The following LRRTM4 variants were observed in gnomAD, a reference collection of about 807,000 sequenced individuals.
LRRTM4 encodes leucine rich repeat transmembrane neuronal 4.
In LRRTM4, 25 loss-of-function variants were observed where a neutral mutation model predicts 47.6. The observed-to-expected ratio is 0.53, with a 90% CI of 0.38 to 0.73. The LOEUF is 0.73. LRRTM4 is among the 30% of genes least tolerant of loss of function. The pLI is 0.00. For synonymous variants in LRRTM4, 311 were observed against 269.5 expected (o/e 1.15, Z -1.51); for missense variants, 638 against 713.4 (o/e 0.89, Z 1.20).
At chr2:77,325,738 A>G (rs550973874) in intron 3 of LRRTM4, among the ~76,000 whole-genome samples, 12 of 152,274 alleles carry the variant, frequency 7.9e-5, no homozygotes, top group African/African-American at 2.6e-4. Context: ...TGTACTATGT[A>G]TCGGAAAAAA....
chr2:77,077,588 T>C (rs1680379929), intron 3 of LRRTM4, among the ~76,000 whole-genome samples: 1 of 152,130 alleles, frequency 6.6e-6, no homozygotes, highest in African/African-American at 2.4e-5. Context: ...ACTCATATTC[T>C]CCAAGTATAG....
intron 3 of LRRTM4, among the ~76,000 whole-genome samples, chr2:77,000,232 T>C (rs1677366388): frequency 6.6e-6 from 1 of 152,092 alleles, no homozygotes; most frequent in Non-Finnish European, 1.5e-5. Flanking sequence ...GGAGAATGTT[T>C]TGCCCTCATT....
chr2:77,042,004 GAACA>G (rs74263982), intron 3 of LRRTM4, among the ~76,000 whole-genome samples: 18,186 of 150,870 alleles, frequency 0.12, 1,362 homozygotes, highest in Admixed American at 0.19. Flanking sequence ...AAACAAGAAA[GAACA>G]AATAAACATA....
intron 3 of LRRTM4, among the ~76,000 whole-genome samples, chr2:77,446,542 G>A (rs370741045): frequency 2.0e-5 from 3 of 151,982 alleles, no homozygotes; most frequent in South Asian, 2.1e-4. Context: ...TACCATCAGC[G>A]ATTTGCAATA....
intron 3 of LRRTM4, among the ~76,000 whole-genome samples, chr2:76,880,653 A>T (rs1039927235): frequency 8.6e-5 from 13 of 151,924 alleles, no homozygotes; most frequent in Non-Finnish European, 1.5e-4. Flanking sequence ...AACACAAAAA[A>T]CCTCTGTGGG....
At chr2:76,888,514 A>T (rs1673150247) in intron 3 of LRRTM4, among the ~76,000 whole-genome samples, 1 of 151,706 alleles carries the variant, frequency 6.6e-6, no homozygotes, top group African/African-American at 2.4e-5. Flanking sequence ...ATGTATACAC[A>T]TCTCTCAGTA....
intron 3 of LRRTM4, among the ~76,000 whole-genome samples, chr2:76,985,410 G>A (rs914874771): frequency 6.6e-6 from 1 of 151,900 alleles, no homozygotes; most frequent in Non-Finnish European, 1.5e-5. Context: ...ATTTCTTTCC[G>A]TTCGTCTGCT....
intron 3 of LRRTM4, among the ~76,000 whole-genome samples, chr2:77,120,617 T>C (rs2103954467): frequency 6.6e-6 from 1 of 151,996 alleles, no homozygotes; most frequent in South Asian, 2.1e-4. Flanking sequence ...TGATGCATAC[T>C]TCCTAATCAG....
At chr2:77,108,904 A>G (rs1671174623) in intron 3 of LRRTM4, among the ~76,000 whole-genome samples, 1 of 152,222 alleles carries the variant, frequency 6.6e-6, no homozygotes, top group South Asian at 2.1e-4. Flanking sequence ...CTTCTCCACT[A>G]ATTTTAACAA....
At chr2:77,089,747 G>A (rs922083268) in intron 3 of LRRTM4, among the ~76,000 whole-genome samples, 3 of 151,966 alleles carry the variant, frequency 2.0e-5, no homozygotes, top group African/African-American at 7.3e-5. Context: ...ATTTTCTTCT[G>A]CAATGCCGCT....
chr2:76,911,522 A>C (rs1674054931), intron 3 of LRRTM4, among the ~76,000 whole-genome samples: 2 of 152,152 alleles, frequency 1.3e-5, no homozygotes, highest in Admixed American at 1.3e-4. Context: ...TTTTTCTGTA[A>C]AGTTCAAGAT....
chr2:77,431,236 T>C (rs549371355), intron 3 of LRRTM4, among the ~76,000 whole-genome samples: 2 of 149,160 alleles, frequency 1.3e-5, no homozygotes, highest in Non-Finnish European at 1.5e-5. Flanking sequence ...CTGACTAATA[T>C]AGAAATAAAC....
intron 3 of LRRTM4, among the ~76,000 whole-genome samples, chr2:76,798,169 A>G (rs1042974405): frequency 1.3e-5 from 2 of 152,096 alleles, no homozygotes; most frequent in African/African-American, 2.4e-5. Context: ...ACCGCACCAC[A>G]CCTATTCCAA....
chr2:77,229,767 G>T (rs1323141406), intron 3 of LRRTM4, among the ~76,000 whole-genome samples: 1 of 152,124 alleles, frequency 6.6e-6, no homozygotes, highest in Non-Finnish European at 1.5e-5. Context: ...CTCAGGTTTT[G>T]TACTAGAAGT....
At chr2:77,333,766 C>A (rs1208557719) in intron 3 of LRRTM4, among the ~76,000 whole-genome samples, 2 of 152,150 alleles carry the variant, frequency 1.3e-5, no homozygotes, top group African/African-American at 4.8e-5. Flanking sequence ...TGAGGCACCA[C>A]CTAGGAAAGC....
At chr2:77,004,650 G>C (rs985577567) in intron 3 of LRRTM4, among the ~76,000 whole-genome samples, 4 of 152,150 alleles carry the variant, frequency 2.6e-5, no homozygotes, top group Admixed American at 2.0e-4. Flanking sequence ...GGATCTGTGA[G>C]AATGGGGCCA....
At chr2:77,322,328 T>C (rs967465578) in intron 3 of LRRTM4, among the ~76,000 whole-genome samples, 18 of 152,252 alleles carry the variant, frequency 1.2e-4, no homozygotes, top group African/African-American at 4.3e-4. Flanking sequence ...TCCAAATATA[T>C]CTCTTTAAGT....
At chr2:76,836,786 A>T (rs372925566) in intron 3 of LRRTM4, among the ~76,000 whole-genome samples, 9 of 152,088 alleles carry the variant, frequency 5.9e-5, no homozygotes, top group Non-Finnish European at 1.2e-4. Context: ...AGAACAGAAT[A>T]TATTTCTTAA....
In LRRTM4 at chr2:77,521,723, G is replaced by T; in HGVS notation, c.-52C>A. ...CCTCTCTCAGCTTTCTTCTTATTTGGTCTCTTGTGCGGAAACCACCACCAC... is the reference window on the plus strand; with the variant it reads ...CCTCTCTCAGCTTTCTTCTTATTTGTTCTCTTGTGCGGAAACCACCACCAC... On this transcript the variant is annotated 5_prime_UTR_variant, in exon 2 of 4. Coordinates refer to ENST00000409884, the MANE Select transcript of LRRTM4 (RefSeq NM_001134745.3). 2 of 1,609,210 alleles carry T rather than the reference G, an allele frequency of 1.2e-6. No homozygotes were observed. Among genetic ancestry groups the T allele is most frequent in the South Asian group, 1.1e-5 (1 of 90,920 alleles).
Sources: allele counts gnomAD v4.1 joint callset (sites outside exome capture counted in the v4.1 genomes callset), GRCh38; gene constraint gnomAD v4.1.1; transcripts MANE v1.5; gene names NCBI Gene and HGNC (gene_info 2026-07-23, HGNC 2026-07-21).